COX7B2: variants seen among roughly 807,000 people sequenced by gnomAD.
COX7B2 encodes the protein cytochrome c oxidase subunit 7B2.
For synonymous variants in COX7B2, 37 were observed against 32.1 expected (o/e 1.15, Z -0.51); for missense variants, 109 against 95.9 (o/e 1.14, Z -0.57).
intron 1 of COX7B2, among the ~76,000 whole-genome samples, chr4:46,862,609 A>G (rs762120013): frequency 2.0e-5 from 3 of 152,214 alleles, no homozygotes; most frequent in Non-Finnish European, 2.9e-5. Context: ...CGAATTTTCA[A>G]ATTTTGATAA....
At chr4:46,778,671 G>A (rs1229707061) in intron 2 of COX7B2, among the ~76,000 whole-genome samples, 1 of 152,120 alleles carries the variant, frequency 6.6e-6, no homozygotes, top group African/African-American at 2.4e-5. Context: ...TATAGCTTAT[G>A]TCTTGCATGT....
At chr4:46,867,180 C>T (rs1051453657) in intron 1 of COX7B2, among the ~76,000 whole-genome samples, 1 of 152,236 alleles carries the variant, frequency 6.6e-6, no homozygotes, top group African/African-American at 2.4e-5. Flanking sequence ...GGCCTCCTTA[C>T]ATCAGATAAC....
chr4:46,765,243 G>C (rs1716455685), intron 2 of COX7B2, among the ~76,000 whole-genome samples: 1 of 152,258 alleles, frequency 6.6e-6, no homozygotes, highest in South Asian at 2.1e-4. Context: ...GCACTGAAGA[G>C]AGTAGGAAAA....
chr4:46,772,415 T>C (rs543787943), intron 2 of COX7B2, among the ~76,000 whole-genome samples: 1 of 152,122 alleles, frequency 6.6e-6, no homozygotes, highest in Non-Finnish European at 1.5e-5. Context: ...TGCTCGAAAT[T>C]TGCTGAGAGT....
At chr4:46,900,855 T>C (rs528169779) in intron 1 of COX7B2, among the ~76,000 whole-genome samples, 2 of 152,318 alleles carry the variant, frequency 1.3e-5, no homozygotes, top group East Asian at 1.9e-4. Context: ...CCCAGAACTA[T>C]GCGACATAAA....
intron 2 of COX7B2, among the ~76,000 whole-genome samples, chr4:46,791,581 C>CA (rs1180593780): frequency 3.3e-5 from 5 of 152,138 alleles, no homozygotes; most frequent in Non-Finnish European, 5.9e-5. Flanking sequence ...CAGGAACCTC[C>CA]AAAATTCTAA....
chr4:46,794,329 ATTGG>A (rs1230705324), intron 2 of COX7B2, among the ~76,000 whole-genome samples: 2 of 152,176 alleles, frequency 1.3e-5, no homozygotes, highest in Non-Finnish European at 1.5e-5. Flanking sequence ...AAGGATTATA[ATTGG>A]TTGGTTGGTT....
intron 2 of COX7B2, among the ~76,000 whole-genome samples, chr4:46,828,908 ATAAT>A (rs1333993418): frequency 1.3e-5 from 2 of 152,196 alleles, no homozygotes; most frequent in Non-Finnish European, 2.9e-5. Flanking sequence ...ACAGCGAAGT[ATAAT>A]TAACTCTCTG....
At chr4:46,766,114 A>T (rs923120263) in intron 2 of COX7B2, among the ~76,000 whole-genome samples, 1 of 152,306 alleles carries the variant, frequency 6.6e-6, no homozygotes, top group Admixed American at 6.5e-5. Flanking sequence ...TCAACATTAG[A>T]CCTGCTTTAC....
chr4:46,775,203 T>C lies in COX7B2; in HGVS notation c.-49-39962A>G, dbSNP rs572439545. On this transcript the variant is annotated intron_variant, in intron 2 of 2. Transcript: ENST00000355591. ...AAACAGAAGTTATTTATATTCTTTA[T>C]GAAACATAAGAAATATGACTTCCAG... Among the ~76,000 whole-genome samples the C allele has an allele frequency of 2.6e-4, 40 of 152,244 alleles. 1 individual carries two copies. The South Asian group carries it at 7.0e-3, about 27-fold the overall frequency.
chr4:46,876,257 A>G (rs1718325433), intron 1 of COX7B2, among the ~76,000 whole-genome samples: 1 of 152,200 alleles, frequency 6.6e-6, no homozygotes, highest in African/African-American at 2.4e-5. Flanking sequence ...TGTGCTCTGA[A>G]AAAGTTAGAG....
intron 1 of COX7B2, among the ~76,000 whole-genome samples, chr4:46,885,065 C>A (rs7683996): frequency 0.24 from 36,304 of 151,804 alleles, 4,553 homozygotes; most frequent in East Asian, 0.29. Flanking sequence ...ATACATCAAA[C>A]ATAATTTTCC....
At chr4:46,748,696 A>G (rs9996022) in intron 2 of COX7B2, among the ~76,000 whole-genome samples, 49,542 of 151,346 alleles carry the variant, frequency 0.33, 8,284 homozygotes, top group South Asian at 0.47. Context: ...TTTCCTGGAA[A>G]CTCTTCTTCT....
chr4:46,754,722 G>GTATATATATATA lies in COX7B2; in HGVS notation c.-49-19482_-49-19481insTATATATATATA, dbSNP rs1396491793. On this transcript the variant is annotated intron_variant, in intron 2 of 2. Coordinates refer to ENST00000355591, the MANE Select transcript of COX7B2 (RefSeq NM_130902.3). Reference sequence around the variant, plus strand: ...CGTGTGTGTGTGTGTGTGTGTGTGTGTGTGTGTATATATATATATATATAT... The same window carrying GTATATATATATA: ...CGTGTGTGTGTGTGTGTGTGTGTGTGTATATATATATATGTGTGTATATATATATATATATAT... Among the ~76,000 whole-genome samples the GTATATATATATA allele has an allele frequency of 1.1e-3, 39 of 34,114 alleles. 1 individual carries two copies. Among genetic ancestry groups the GTATATATATATA allele is most frequent in the Middle Eastern group, 0.017 (1 of 60 alleles). The allele number at this position is 34,114 out of a possible 152,430, so 22.4% of individuals were successfully genotyped here.
intron 1 of COX7B2, among the ~76,000 whole-genome samples, chr4:46,845,240 T>C (rs552390838): frequency 6.6e-6 from 1 of 152,090 alleles, no homozygotes; most frequent in African/African-American, 2.4e-5. Context: ...TTTCCAATAG[T>C]GGTAGAGAAT....
rs188018930 is a variant in COX7B2, at chr4:46,781,694, G to C, written c.-49-46453C>G. Among the ~76,000 whole-genome samples, 470 of 152,306 alleles carry C rather than the reference G, an allele frequency of 3.1e-3. 1 individual carries two copies. Among genetic ancestry groups the C allele is most frequent in the African/African-American group, 0.011 (453 of 41,576 alleles). ...AGGTGTGGAAGGAGAGGGAATGGTG[G>C]GAACCTGGGCTGCGCCTGGCGCTCA... On this transcript the variant is annotated intron_variant, in intron 2 of 2. Coordinates refer to ENST00000355591, the MANE Select transcript of COX7B2 (RefSeq NM_130902.3).
chr4:46,789,879 A>G (rs1717945834), intron 2 of COX7B2, among the ~76,000 whole-genome samples: 1 of 152,164 alleles, frequency 6.6e-6, no homozygotes, highest in Non-Finnish European at 1.5e-5. Flanking sequence ...TTTAGCAAAT[A>G]TTTCCAATGT....
intron 2 of COX7B2, among the ~76,000 whole-genome samples, chr4:46,813,628 C>T (rs1245159246): frequency 1.3e-5 from 2 of 152,022 alleles, no homozygotes; most frequent in South Asian, 2.1e-4. Flanking sequence ...ACCTAGATAA[C>T]GGGTTGATAG....
chr4:46,751,668 T>TA (rs1332353809), intron 2 of COX7B2, among the ~76,000 whole-genome samples: 1 of 152,160 alleles, frequency 6.6e-6, no homozygotes, highest in East Asian at 1.9e-4. Flanking sequence ...AAAATGAGAA[T>TA]ACTAGGAAAG....
Sources: gnomAD v4.1 joint callset for allele counts (sites outside exome capture counted in the v4.1 genomes callset) on GRCh38, gnomAD v4.1.1 for gene constraint, MANE v1.5 for transcripts, NCBI Gene and HGNC (gene_info 2026-07-23, HGNC 2026-07-21) for gene names.